The following BICC1 variants were observed in gnomAD, a reference collection of about 807,000 sequenced individuals.
BICC1 encodes the protein BicC family RNA binding protein 1.
BICC1 carries 43 observed loss-of-function variants against 111.0 expected under a neutral mutation model. The observed-to-expected ratio is 0.39, with a 90% confidence interval of 0.30 to 0.50. BICC1 has a LOEUF of 0.50. Ranked by LOEUF, BICC1 falls within the 20% of genes least tolerant of loss-of-function variation. The pLI, the probability that BICC1 is intolerant of heterozygous loss-of-function variation, is 0.88. For synonymous variants in BICC1, 467 were observed against 434.4 expected, an observed-to-expected ratio of 1.07 and a Z score of -0.93; for missense variants, 1,091 against 1,203.2, an observed-to-expected ratio of 0.91 and a Z score of 1.38.
intron 17 of BICC1, among the ~76,000 whole-genome samples, chr10:58,809,107 G>A (rs1589160914): frequency 6.6e-6 from 1 of 151,882 alleles, no homozygotes; most frequent in Admixed American, 6.6e-5. Context: ...ACTGCAACCT[G>A]TGCCTCCCAG....
chr10:58,522,508 G>A (rs1404390332), intron 1 of BICC1, among the ~76,000 whole-genome samples: 1 of 152,026 alleles, frequency 6.6e-6, no homozygotes, highest in Admixed American at 6.6e-5. Context: ...TGAAACCAAC[G>A]ACAACAAAGA....
intron 1 of BICC1, among the ~76,000 whole-genome samples, chr10:58,542,001 G>A (rs1036446274): frequency 2.3e-4 from 35 of 151,630 alleles, no homozygotes; most frequent in African/African-American, 7.7e-4. Context: ...AATAACAAAA[G>A]TTATCCAGGT....
At chr10:58,564,550 T>C (rs1423437666) in intron 1 of BICC1, among the ~76,000 whole-genome samples, 1 of 152,238 alleles carries the variant, frequency 6.6e-6, no homozygotes, top group African/African-American at 2.4e-5. Context: ...GACATTATGC[T>C]GTTTTCTACC....
rs777926346 is a variant in BICC1 at position 58,789,295 on chromosome 10, C to T, written c.634C>T (p.Pro212Ser). The part of the protein sequence containing the change: ...LLPLVLMFEL[P>S]IAGILQPVPD... ...TCCTTTGGTGCTGATGTTTGAGCTA[C>T]CAATTGCTGGAATTCTTCAACCGGT... is the stretch of plus-strand genomic sequence containing the variant. Residue 212 changes from proline (P) to serine (S), a missense_variant, in exon 7 of 21, where the codon CCA becomes TCA. Transcript: ENST00000373886. The T allele has an allele frequency of 6.2e-7, 1 of 1,613,880 alleles. No homozygotes were observed.
chr10:58,586,377 C>G (rs1041067548), intron 1 of BICC1, among the ~76,000 whole-genome samples: 1 of 152,088 alleles, frequency 6.6e-6, no homozygotes, highest in Non-Finnish European at 1.5e-5. Context: ...TTACTGACTA[C>G]CAATTGACTT....
rs1453729622 is a variant in BICC1, at chr10:58,831,417, C to T, written c.*2526C>T. The T allele has an allele frequency of 2.0e-5, 3 of 151,148 alleles. No homozygotes were observed. The highest frequency in any genetic ancestry group is 4.4e-5 in the Non-Finnish European group (3 of 67,884). 9.4% of individuals were successfully genotyped at this position (151,148 alleles called of 1,614,324 possible). On this transcript the variant is annotated 3_prime_UTR_variant, in exon 21 of 21. Coordinates refer to ENST00000373886, the MANE Select transcript of BICC1 (RefSeq NM_001080512.3). ...CATGAAAAATAAATTTATATAACCCCTTTGTATTGCTCTTGCTATATGAAG... is the reference window on the plus strand; with the variant it reads ...CATGAAAAATAAATTTATATAACCCTTTTGTATTGCTCTTGCTATATGAAG...
At chr10:58,825,038 A>G (rs1031971756) in intron 20 of BICC1, among the ~76,000 whole-genome samples, 1 of 152,202 alleles carries the variant, frequency 6.6e-6, no homozygotes, top group African/African-American at 2.4e-5. Flanking sequence ...TAATTTCTTT[A>G]CCATTCAAAT....
intron 3 of BICC1, among the ~76,000 whole-genome samples, chr10:58,779,733 C>T (rs1312064353): frequency 5.3e-5 from 8 of 152,148 alleles, no homozygotes; most frequent in Non-Finnish European, 1.2e-4. Context: ...ATTTTTACCA[C>T]ATCATAAAGG....
intron 12 of BICC1, among the ~76,000 whole-genome samples, chr10:58,799,819 C>A (rs1843481442): frequency 6.6e-6 from 1 of 151,880 alleles, no homozygotes; most frequent in Non-Finnish European, 1.5e-5. Context: ...CTTAAGATTG[C>A]TTTGGCTATT....
chr10:58,744,485 G>T (rs1703509601), intron 3 of BICC1, among the ~76,000 whole-genome samples: 1 of 151,858 alleles, frequency 6.6e-6, no homozygotes, highest in African/African-American at 2.4e-5. Context: ...TAAAAAATTA[G>T]AATGAGGTGC....
chr10:58,809,493 G>A (rs1843830804), intron 17 of BICC1, among the ~76,000 whole-genome samples: 1 of 151,944 alleles, frequency 6.6e-6, no homozygotes, highest in Non-Finnish European at 1.5e-5. Flanking sequence ...ACCTGCCTCA[G>A]CCTCCCAAAG....
intron 1 of BICC1, among the ~76,000 whole-genome samples, chr10:58,539,898 TAA>T (rs1323783919): frequency 6.6e-6 from 1 of 151,882 alleles, no homozygotes; most frequent in African/African-American, 2.4e-5. Flanking sequence ...AAACTAGTAT[TAA>T]GAGAAGATTG....
intron 20 of BICC1, among the ~76,000 whole-genome samples, chr10:58,822,641 T>G (rs1025154465): frequency 6.6e-6 from 1 of 152,190 alleles, no homozygotes; most frequent in African/African-American, 2.4e-5. Flanking sequence ...ATTTTAAGAA[T>G]AATTTTGTCT....
chr10:58,739,836 T>C (rs1210125970), intron 3 of BICC1, among the ~76,000 whole-genome samples: 1 of 152,184 alleles, frequency 6.6e-6, no homozygotes, highest in Non-Finnish European at 1.5e-5. Context: ...AATTAGTATA[T>C]AAATCTTAGA....
At chr10:58,572,533 T>A (rs1843990477) in intron 1 of BICC1, among the ~76,000 whole-genome samples, 1 of 152,146 alleles carries the variant, frequency 6.6e-6, no homozygotes, top group Non-Finnish European at 1.5e-5. Context: ...AAATACATTA[T>A]TTTCATGGGG....
chr10:58,652,241 G>A (rs1838472047), intron 2 of BICC1, among the ~76,000 whole-genome samples: 1 of 151,934 alleles, frequency 6.6e-6, no homozygotes, highest in Admixed American at 6.6e-5. Context: ...AGCTGAAATA[G>A]ACCCTCAAAA....
At chr10:58,709,444 CAA>C in intron 3 of BICC1, among the ~76,000 whole-genome samples, 1 of 152,304 alleles carries the variant, frequency 6.6e-6, no homozygotes, top group South Asian at 2.1e-4. Context: ...AAATGGATGA[CAA>C]AGGTTGTAGA....
At chr10:58,608,785 C>G (rs997548879) in intron 1 of BICC1, among the ~76,000 whole-genome samples, 18 of 152,196 alleles carry the variant, frequency 1.2e-4, no homozygotes, top group Non-Finnish European at 2.9e-5. Context: ...TGAACCTAGA[C>G]TTTTCTGGTT....
intron 3 of BICC1, among the ~76,000 whole-genome samples, chr10:58,744,297 G>A (rs2393483): frequency 1 from 151,806 of 152,234 alleles, 75,690 homozygotes; most frequent in Middle Eastern, 1. Flanking sequence ...AATAATGCCT[G>A]TTTTGTAGTG....
Sources: allele counts gnomAD v4.1 joint callset (sites outside exome capture counted in the v4.1 genomes callset), GRCh38; gene constraint gnomAD v4.1.1; transcripts MANE v1.5; gene names NCBI Gene and HGNC (gene_info 2026-07-23, HGNC 2026-07-21).